THOC7: variants seen among roughly 807,000 people sequenced by gnomAD.
THOC7 encodes NIF3L1-binding protein 1.
In THOC7, 22 loss-of-function variants were observed where a neutral mutation model predicts 33.1. The observed-to-expected ratio is 0.66, with a 90% CI of 0.47 to 0.95. The LOEUF is 0.95. Ranked by LOEUF, THOC7 falls within the 40% of genes least tolerant of loss-of-function variation. THOC7 has a pLI of 0.00. For synonymous variants in THOC7, 77 were observed against 76.8 expected (o/e 1.00, Z -0.01); for missense variants, 184 against 245.3 (o/e 0.75, Z 1.67).
At chr3:63,863,851 C>CGGA (rs1559612577), upstream of THOC7, 1 of 1,216,082 alleles carries the variant, frequency 8.2e-7, no homozygotes, top group East Asian at 3.5e-5. Flanking sequence ...TTGGCGGCGG[C>CGGA]GGAGGTCAAA....
intron 7 of THOC7, among the ~76,000 whole-genome samples, 169 bp downstream of exon 7, chr3:63,834,985 C>A (rs1042810556): frequency 1.6e-4 from 25 of 152,102 alleles, no homozygotes; most frequent in Admixed American, 1.4e-3. Flanking sequence ...TAAGACTTTT[C>A]TACATGTATT....
chr3:63,858,943 G>A (rs1468381976), intron 1 of THOC7, among the ~76,000 whole-genome samples: 1 of 152,176 alleles, frequency 6.6e-6, no homozygotes, highest in Non-Finnish European at 1.5e-5. Context: ...TTCTTCAAGA[G>A]CTCCCAGTCC....
At chr3:63,864,213 C>G (rs1002325192), upstream of THOC7, among the ~76,000 whole-genome samples, 1 of 150,172 alleles carries the variant, frequency 6.7e-6, no homozygotes, top group East Asian at 2.0e-4. Flanking sequence ...AGCTGCGGGC[C>G]GCCCGCAGTC....
At chr3:63,851,439 A>G (rs1702018790) in intron 1 of THOC7, among the ~76,000 whole-genome samples, 1 of 152,204 alleles carries the variant, frequency 6.6e-6, no homozygotes, top group South Asian at 2.1e-4. Flanking sequence ...CTATGTCCCA[A>G]TGGACCAGAC....
intron 4 of THOC7, among the ~76,000 whole-genome samples, chr3:63,836,812 T>A (rs556413393): frequency 1.3e-5 from 2 of 152,044 alleles, no homozygotes; most frequent in East Asian, 3.9e-4. Flanking sequence ...TTTCAGAAAC[T>A]TGCAAATAAC....
Position 63,836,262 on chromosome 3 carries a change from T to C in THOC7, c.410+39A>G, listed in dbSNP as rs961436404. On this transcript the variant is annotated intron_variant, in intron 5 of 7. Coordinates refer to ENST00000295899, the MANE Select transcript of THOC7 (RefSeq NM_025075.4). ...ACGGTAGTTTTCGAGCATTTATGTA[T>C]AAAGGTTAGTTCCTTTCAAAGTAAA... is the stretch of plus-strand genomic sequence containing the variant. 4 of 1,587,736 alleles carry C rather than the reference T, an allele frequency of 2.5e-6. No homozygotes were observed. In the African/African-American group the frequency reaches 4.1e-5, roughly 16 times the overall value.
chr3:63,860,162 ATG>A (rs1261548653), intron 1 of THOC7, among the ~76,000 whole-genome samples: 2 of 151,478 alleles, frequency 1.3e-5, no homozygotes, highest in African/African-American at 4.9e-5. Flanking sequence ...TTTAGTAGAG[ATG>A]AGTAGCTGAG....
intron 1 of THOC7, among the ~76,000 whole-genome samples, chr3:63,853,907 C>CAAAA (rs1172783360): frequency 2.8e-5 from 2 of 71,938 alleles, no homozygotes; most frequent in African/African-American, 9.3e-5. Context: ...GACTCCGTCT[C>CAAAA]AAAAAAAAAA....
intron 1 of THOC7, among the ~76,000 whole-genome samples, chr3:63,840,095 C>A (rs1176851729): frequency 6.6e-6 from 1 of 152,120 alleles, no homozygotes; most frequent in Non-Finnish European, 1.5e-5. Context: ...TGGCAGTCTA[C>A]TGGGTTGTTG....
chr3:63,845,708 G>A (rs1366400326), intron 1 of THOC7, among the ~76,000 whole-genome samples: 1 of 152,180 alleles, frequency 6.6e-6, no homozygotes, highest in Non-Finnish European at 1.5e-5. Context: ...TGGTCAAGGC[G>A]ATCTCAAAGC....
In THOC7 at chr3:63,838,081, T is replaced by C. The variant is rs773651052; in HGVS notation, c.266-19A>G. On this transcript the variant is annotated intron_variant, in intron 3 of 7. Coordinates refer to ENST00000295899, the MANE Select transcript of THOC7 (RefSeq NM_025075.4). Reference sequence around the variant, plus strand: ...CTACATTCTATATGAGAAGGTTTTTTAAAAGATAGTTGTAACAAAATCAAT... The same window carrying C: ...CTACATTCTATATGAGAAGGTTTTTCAAAAGATAGTTGTAACAAAATCAAT... 3 of 1,568,900 alleles carry C rather than the reference T, an allele frequency of 1.9e-6. No homozygotes were observed. Among genetic ancestry groups the C allele is most frequent in the African/African-American group, 2.8e-5 (2 of 72,720 alleles).
chr3:63,837,921 GA>G, intron 4 of THOC7, 54 bp downstream of exon 4: 2 of 1,497,470 alleles, frequency 1.3e-6, no homozygotes, highest in South Asian at 2.5e-5. Context: ...AAAACTGCAT[GA>G]AAACTGTAGT....
chr3:63,844,494 A>T lies in THOC7; in HGVS notation c.20-4721T>A, dbSNP rs180820168. Among the ~76,000 whole-genome samples, 38 of 152,352 alleles carry T rather than the reference A, an allele frequency of 2.5e-4. No homozygotes were observed. In the East Asian group the frequency reaches 7.3e-3, roughly 29 times the overall value. Reference sequence around the variant, plus strand: ...AATACACAATGTTATCTGTCATTTTAAAATAAATACATAAAAAAGAAGGAA... The same window carrying T: ...AATACACAATGTTATCTGTCATTTTTAAATAAATACATAAAAAAGAAGGAA... On this transcript the variant is annotated intron_variant, in intron 1 of 7. Transcript: ENST00000295899.
At chr3:63,852,855 G>C (rs1317289417) in intron 1 of THOC7, among the ~76,000 whole-genome samples, 1 of 152,084 alleles carries the variant, frequency 6.6e-6, no homozygotes, top group Non-Finnish European at 1.5e-5. Context: ...GGAGAGATTA[G>C]AATCACAGGT....
chr3:63,834,312 T>C, intron 7 of THOC7, 113 bp from the exon 8 acceptor site: 2 of 980,474 alleles, frequency 2.0e-6, no homozygotes, highest in South Asian at 1.5e-5. Context: ...AAAGCTAAGA[T>C]GGCTACTAGT....
chr3:63,841,499 G>A (rs986159316), intron 1 of THOC7, among the ~76,000 whole-genome samples: 1 of 152,182 alleles, frequency 6.6e-6, no homozygotes, highest in African/African-American at 2.4e-5. Context: ...CCTGTGTGTA[G>A]GCAGAAGTAT....
intron 1 of THOC7, among the ~76,000 whole-genome samples, chr3:63,843,456 T>C (rs947679175): frequency 6.6e-6 from 1 of 152,128 alleles, no homozygotes; most frequent in African/African-American, 2.4e-5. Context: ...AACTACCATA[T>C]GATCCAGCAA....
At chr3:63,843,486 T>G (rs1218393733) in intron 1 of THOC7, among the ~76,000 whole-genome samples, 1 of 152,168 alleles carries the variant, frequency 6.6e-6, no homozygotes, top group Non-Finnish European at 1.5e-5. Flanking sequence ...TGGTTATGTG[T>G]CCAAAGGAAA....
chr3:63,836,765 A>G (rs1381064328), intron 4 of THOC7, among the ~76,000 whole-genome samples: 1 of 152,022 alleles, frequency 6.6e-6, no homozygotes, highest in East Asian at 1.9e-4. Flanking sequence ...GTTAGTCAAC[A>G]GCAAATTACA....
Sources: allele counts gnomAD v4.1 joint callset (sites outside exome capture counted in the v4.1 genomes callset), GRCh38; gene constraint gnomAD v4.1.1; transcripts MANE v1.5; gene names NCBI Gene and HGNC (gene_info 2026-07-23, HGNC 2026-07-21).